Variants in MYO3B observed in about 807,000 individuals in gnomAD.
The protein encoded by MYO3B is myosin IIIB.
In MYO3B, 156 loss-of-function variants were observed where a neutral mutation model predicts 174.6. The observed-to-expected ratio is 0.89, with a 90% CI of 0.78 to 1.02. MYO3B has a LOEUF of 1.02. Among genes scored for constraint, MYO3B ranks in the 50% least tolerant of loss-of-function variants. The pLI, the probability that MYO3B is intolerant of heterozygous loss-of-function variation, is 0.00. For missense variants in MYO3B, 1,632 were observed against 1,639.4 expected, an observed-to-expected ratio of 1.00 and a Z score of 0.08; for synonymous variants, 563 against 569.1, an observed-to-expected ratio of 0.99 and a Z score of 0.15.
intron 9 of MYO3B, among the ~76,000 whole-genome samples, chr2:170,371,457 T>C (rs1221511979): frequency 6.6e-6 from 1 of 152,012 alleles, no homozygotes; most frequent in African/African-American, 2.4e-5. Flanking sequence ...CAAATAGGTA[T>C]CAACACTTTA....
At chr2:170,381,889 C>T (rs1306076116) in intron 9 of MYO3B, 127 bp from the exon 10 acceptor site, 2 of 716,278 alleles carry the variant, frequency 2.8e-6, no homozygotes, top group Non-Finnish European at 4.7e-6. Context: ...GACTGGACTT[C>T]CTGTCCCTGT....
chr2:170,478,560 C>G (rs1575045341), intron 25 of MYO3B, among the ~76,000 whole-genome samples: 1 of 84,256 alleles, frequency 1.2e-5, no homozygotes, highest in African/African-American at 4.2e-5. Context: ...CACACACACA[C>G]AGGTTTTTTT....
chr2:170,271,416 T>C (rs139904940), intron 7 of MYO3B, among the ~76,000 whole-genome samples: 5 of 152,318 alleles, frequency 3.3e-5, no homozygotes, highest in Non-Finnish European at 5.9e-5. Context: ...TGGTGAACCA[T>C]GAAATGACTC....
At chr2:170,491,449 A>G (rs907481936) in intron 25 of MYO3B, among the ~76,000 whole-genome samples, 5 of 106,500 alleles carry the variant, frequency 4.7e-5, no homozygotes, top group Admixed American at 9.7e-5. Flanking sequence ...TTTTTATTTT[A>G]AGACGGAGTC....
intron 7 of MYO3B, among the ~76,000 whole-genome samples, chr2:170,248,179 A>T (rs1404534563): frequency 6.6e-6 from 1 of 152,066 alleles, no homozygotes; most frequent in East Asian, 1.9e-4. Context: ...GTCCACACTT[A>T]TCTCTGATGA....
At chr2:170,242,864 T>C (rs567646999) in intron 7 of MYO3B, among the ~76,000 whole-genome samples, 24 of 152,300 alleles carry the variant, frequency 1.6e-4, no homozygotes, top group African/African-American at 5.3e-4. Flanking sequence ...AAAATTGTGC[T>C]AGAGTTGAGG....
chr2:170,477,551 A>G (rs1685393356), intron 25 of MYO3B, among the ~76,000 whole-genome samples: 1 of 152,074 alleles, frequency 6.6e-6, no homozygotes, highest in Non-Finnish European at 1.5e-5. Context: ...TCAGGAATAC[A>G]TTTGACTGTG....
At chr2:170,628,389 G>T (rs529384574) in intron 32 of MYO3B, among the ~76,000 whole-genome samples, 1 of 152,188 alleles carries the variant, frequency 6.6e-6, no homozygotes, top group African/African-American at 2.4e-5. Flanking sequence ...TGCTAAGACC[G>T]TTGGAAAAGC....
intron 28 of MYO3B, among the ~76,000 whole-genome samples, chr2:170,503,793 C>A (rs1687439148): frequency 2.0e-5 from 3 of 152,138 alleles, no homozygotes; most frequent in Admixed American, 6.5e-5. Flanking sequence ...ACCAACACCA[C>A]CTCTGCCCTC....
intron 28 of MYO3B, 149 bp from the exon 29 acceptor site, chr2:170,514,772 A>G (rs1323672006): frequency 1.7e-6 from 1 of 605,302 alleles, no homozygotes; most frequent in Non-Finnish European, 2.9e-6. Context: ...AAAAATAAGC[A>G]CCAAGTTCAT....
chr2:170,415,246 A>T (rs1183229121), intron 22 of MYO3B, among the ~76,000 whole-genome samples: 3 of 152,168 alleles, frequency 2.0e-5, no homozygotes, highest in Non-Finnish European at 4.4e-5. Flanking sequence ...TGTTCCCTAT[A>T]TCTGGAACTT....
intron 32 of MYO3B, among the ~76,000 whole-genome samples, chr2:170,596,488 G>A (rs1183333725): frequency 2.6e-5 from 4 of 152,302 alleles, no homozygotes; most frequent in African/African-American, 4.8e-5. Context: ...CGTGCAGAAC[G>A]ATGTTTCTAA....
intron 3 of MYO3B, among the ~76,000 whole-genome samples, chr2:170,210,842 C>G (rs2092761922): frequency 6.6e-6 from 1 of 152,182 alleles, no homozygotes; most frequent in Non-Finnish European, 1.5e-5. Context: ...AAGCACTTGT[C>G]TTCCATTAGA....
At chr2:170,539,271 C>A (rs1461183013) in intron 30 of MYO3B, among the ~76,000 whole-genome samples, 1 of 152,188 alleles carries the variant, frequency 6.6e-6, no homozygotes, top group Non-Finnish European at 1.5e-5. Flanking sequence ...TCCAGCTTGT[C>A]CCTCTATGCC....
intron 22 of MYO3B, among the ~76,000 whole-genome samples, chr2:170,424,767 A>G (rs2094647726): frequency 6.6e-6 from 1 of 152,164 alleles, no homozygotes; most frequent in African/African-American, 2.4e-5. Context: ...AAGACAGTGA[A>G]TGTATATTTT....
At chr2:170,285,280 T>G (rs533542901) in intron 7 of MYO3B, among the ~76,000 whole-genome samples, 3 of 152,218 alleles carry the variant, frequency 2.0e-5, no homozygotes, top group Admixed American at 6.5e-5. Context: ...GGGTTTTTTT[T>G]GTCTTTATTA....
In MYO3B at chr2:170,369,266, T is replaced by C. The variant is rs1186918864; in HGVS notation, c.860T>C (p.Leu287Pro). 6 of 1,613,680 alleles carry C rather than the reference T, an allele frequency of 3.7e-6. No homozygotes were observed. Among genetic ancestry groups the C allele is most frequent in the Non-Finnish European group, 5.1e-6 (6 of 1,179,800 alleles). ...DFERRPSVTHLLDHPFIKGVH... is the reference protein window; with the variant it reads ...DFERRPSVTHPLDHPFIKGVH... ...GAAAGGCGACCTTCCGTCACACATCTCCTTGACCACCCATTTATTAAAGGA... is the reference window on the plus strand; with the variant it reads ...GAAAGGCGACCTTCCGTCACACATCCCCTTGACCACCCATTTATTAAAGGA... Residue 287 changes from leucine (L) to proline (P), a missense_variant, in exon 9 of 35, where the codon CTC (leucine) becomes CCC (proline). By Grantham distance (98) the Leu-to-Pro change is moderately conservative. Transcript: ENST00000408978.
chr2:170,532,840 A>G (rs1419083752), intron 30 of MYO3B, among the ~76,000 whole-genome samples: 1 of 148,818 alleles, frequency 6.7e-6, no homozygotes, highest in Non-Finnish European at 1.5e-5. Flanking sequence ...AAAAAAGAGT[A>G]TCAGGTTTGT....
intron 7 of MYO3B, among the ~76,000 whole-genome samples, chr2:170,311,130 C>G (rs2093736433): frequency 6.6e-6 from 1 of 152,038 alleles, no homozygotes. Context: ...GTTCTTTTCA[C>G]TATATATCTG....
Sources: allele counts gnomAD v4.1 joint callset (sites outside exome capture counted in the v4.1 genomes callset), GRCh38; gene constraint gnomAD v4.1.1; transcripts MANE v1.5; gene names NCBI Gene and HGNC (gene_info 2026-07-23, HGNC 2026-07-21).